Variants in KCNMA1 observed in about 807,000 individuals in gnomAD.
KCNMA1 encodes Calcium-activated potassium channel subunit alpha-1.
KCNMA1 carries 29 observed loss-of-function variants against 140.0 expected under a neutral mutation model. The observed-to-expected ratio is 0.21, with a 90% CI of 0.15 to 0.28. KCNMA1 has a LOEUF of 0.28. Ranked by LOEUF, KCNMA1 falls within the 10% of genes least tolerant of loss-of-function variation. The pLI is 1.00. For synonymous variants in KCNMA1, 612 were observed against 611.9 expected, an observed-to-expected ratio of 1.00 and a Z score of 0.00; for missense variants, 880 against 1,602.2, an observed-to-expected ratio of 0.55 and a Z score of 7.70.
At chr10:76,970,131 A>C (rs1449905241) in intron 19 of KCNMA1, 64 bp from the exon 20 acceptor site, 1 of 1,262,624 alleles carries the variant, frequency 7.9e-7, no homozygotes, top group East Asian at 2.3e-5. Flanking sequence ...AATACAGGCA[A>C]AATATCAAAG....
chr10:77,356,660 G>A (rs158207), intron 2 of KCNMA1, among the ~76,000 whole-genome samples: 123,409 of 152,194 alleles, frequency 0.81, 50,249 homozygotes, highest in Middle Eastern at 0.88. Context: ...GGTCCCTCAA[G>A]TCTACCCAAC....
At chr10:77,160,107 G>T (rs1451731208) in intron 5 of KCNMA1, among the ~76,000 whole-genome samples, 2 of 147,230 alleles carry the variant, frequency 1.4e-5, no homozygotes, top group Non-Finnish European at 1.5e-5. Flanking sequence ...AACTGGGAAG[G>T]CTCTCCTCCT....
chr10:77,245,961 A>G (rs1268500666), intron 3 of KCNMA1, among the ~76,000 whole-genome samples: 1 of 152,230 alleles, frequency 6.6e-6, no homozygotes, highest in Non-Finnish European at 1.5e-5. Context: ...GACATCAGAC[A>G]GCACCTGACC....
At chr10:77,205,621 T>TGA (rs34440077) in intron 3 of KCNMA1, among the ~76,000 whole-genome samples, 1 of 151,880 alleles carries the variant, frequency 6.6e-6, no homozygotes. Flanking sequence ...TTGATGAAGG[T>TGA]TTCTTATAGT....
At chr10:76,907,329 C>T (rs148435134) in intron 25 of KCNMA1, among the ~76,000 whole-genome samples, 68 of 152,300 alleles carry the variant, frequency 4.5e-4, no homozygotes, top group Middle Eastern at 3.4e-3. Flanking sequence ...AACTGACTAC[C>T]TACTGATGAT....
intron 1 of KCNMA1, among the ~76,000 whole-genome samples, chr10:77,610,818 C>A (rs2619630): frequency 0.22 from 33,566 of 151,976 alleles, 4,000 homozygotes; most frequent in African/African-American, 0.28. Flanking sequence ...CACAACTTTG[C>A]GAATAAGCTA....
At chr10:77,238,588 T>C (rs996163015) in intron 3 of KCNMA1, among the ~76,000 whole-genome samples, 2 of 152,188 alleles carry the variant, frequency 1.3e-5, no homozygotes, top group Non-Finnish European at 2.9e-5. Context: ...TTTGAATGCA[T>C]TGCAGGTTAA....
At chr10:77,010,724 T>C (rs2090502366) in intron 18 of KCNMA1, among the ~76,000 whole-genome samples, 1 of 152,024 alleles carries the variant, frequency 6.6e-6, no homozygotes, top group Non-Finnish European at 1.5e-5. Context: ...TGGTTCTACA[T>C]TTTCTGTACC....
chr10:77,096,263 C>G (rs2096929805), intron 9 of KCNMA1, among the ~76,000 whole-genome samples: 1 of 152,150 alleles, frequency 6.6e-6, no homozygotes, highest in Non-Finnish European at 1.5e-5. Flanking sequence ...TTCTCAGTGA[C>G]CTGGGGCCAG....
chr10:77,076,775 AC>A (rs2096411585), intron 13 of KCNMA1, among the ~76,000 whole-genome samples: 1 of 152,178 alleles, frequency 6.6e-6, no homozygotes, highest in African/African-American at 2.4e-5. Context: ...ATGATGACAA[AC>A]TCAGGGCCAG....
chr10:76,878,755 G>C (rs1423293341), intron 29 of KCNMA1, among the ~76,000 whole-genome samples: 3 of 152,072 alleles, frequency 2.0e-5, no homozygotes, highest in South Asian at 4.2e-4. Flanking sequence ...GAATGAAAAT[G>C]GTCTAGCATC....
At chr10:77,073,669 C>T (rs1174723254) in intron 13 of KCNMA1, among the ~76,000 whole-genome samples, 1 of 152,118 alleles carries the variant, frequency 6.6e-6, no homozygotes, top group Non-Finnish European at 1.5e-5. Flanking sequence ...TCAGTGACTC[C>T]CAGGCATCAG....
intron 1 of KCNMA1, among the ~76,000 whole-genome samples, chr10:77,614,320 T>C (rs887523321): frequency 2.0e-5 from 3 of 152,042 alleles, no homozygotes; most frequent in African/African-American, 7.2e-5. Context: ...GTGCTGGGAA[T>C]ACAGAAAGAA....
At chr10:77,425,470 T>C (rs1317542886) in intron 1 of KCNMA1, among the ~76,000 whole-genome samples, 4 of 152,060 alleles carry the variant, frequency 2.6e-5, no homozygotes, top group Non-Finnish European at 4.4e-5. Context: ...TCTGGACATG[T>C]AGCCCACACT....
intron 1 of KCNMA1, among the ~76,000 whole-genome samples, chr10:77,565,162 G>A (rs915686243): frequency 1.3e-5 from 2 of 152,160 alleles, no homozygotes; most frequent in Non-Finnish European, 2.9e-5. Flanking sequence ...TAGTCCTCCT[G>A]CCTTGCACCC....
intron 1 of KCNMA1, among the ~76,000 whole-genome samples, chr10:77,483,433 C>A (rs149370901): frequency 1.6e-3 from 246 of 152,306 alleles, no homozygotes; most frequent in Non-Finnish European, 2.8e-3. Context: ...CCATGTGGGG[C>A]TCATCGGGGC....
rs1475192836 is a variant in KCNMA1 at position 77,073,079 on chromosome 10, A to G, written c.1749+18T>C. The G allele has an allele frequency of 1.2e-6, 2 of 1,612,956 alleles. No individual in the cohort carries two copies. The highest frequency in any genetic ancestry group is 1.7e-6 in the Non-Finnish European group (2 of 1,178,944). ...ATGGAATCCCGAGCTAATGTGCTCTAATAAGACGAGACGTTACCTTTATGA... is the reference window on the plus strand; with the variant it reads ...ATGGAATCCCGAGCTAATGTGCTCTGATAAGACGAGACGTTACCTTTATGA... On this transcript the variant is annotated intron_variant, in intron 14 of 27. Transcript: ENST00000286628.
At chr10:76,969,937 A>T (rs1366310523) in intron 20 of KCNMA1, 37 bp downstream of exon 20, 1 of 1,514,154 alleles carries the variant, frequency 6.6e-7, no homozygotes, top group African/African-American at 1.4e-5. Flanking sequence ...GAGAAGGGCT[A>T]AGAGGGAAAC....
intron 26 of KCNMA1, chr10:76,891,271 G>C: frequency 2.0e-6 from 1 of 510,768 alleles, no homozygotes; most frequent in Non-Finnish European, 3.6e-6. Flanking sequence ...ATTCTCTCTG[G>C]GCCTCAGTTG....
Sources: gnomAD v4.1 joint callset for allele counts (sites outside exome capture counted in the v4.1 genomes callset) on GRCh38, gnomAD v4.1.1 for gene constraint, MANE v1.5 for transcripts, NCBI Gene and HGNC (gene_info 2026-07-23, HGNC 2026-07-21) for gene names.